The following SVIL variants were observed in gnomAD, a reference collection of about 807,000 sequenced individuals.
SVIL encodes supervillin, also known as archvillin.
A neutral mutation model predicts 240.4 loss-of-function variants in SVIL; 101 were observed. The ratio of observed to expected loss-of-function variants is 0.42; its 90% CI spans 0.36 to 0.50. The LOEUF is 0.50. Among genes scored for constraint, SVIL ranks in the 20% least tolerant of loss-of-function variants. The probability of loss-of-function intolerance (pLI) is 0.01; values close to 1 mark genes in which losing one functional copy is unlikely to be tolerated. For missense variants in SVIL, 2,512 were observed against 2,818.7 expected (o/e 0.89, Z 2.46); for synonymous variants, 999 against 1,100.0 (o/e 0.91, Z 1.82).
At chr10:29,507,548 T>TACACACTCAGAA (rs374533085) in intron 17 of SVIL, among the ~76,000 whole-genome samples, 48,214 of 148,212 alleles carry the variant, frequency 0.33, 7,833 homozygotes, top group African/African-American at 0.35. Context: ...TTCTCACAGA[T>TACACACTCAGAA]ACACACTCAT....
In SVIL at chr10:29,471,793, A is replaced by T. The variant is rs141826244; in HGVS notation, c.5530-550T>A. 2.1e-3 allele frequency among the ~76,000 whole-genome samples: 321 copies of T among 152,358 alleles called. 1 individual carries two copies. Among genetic ancestry groups the T allele is most frequent in the African/African-American group, 7.4e-3 (309 of 41,580 alleles). ...TAGGTTTGAGTCACCTCCCTCTAGG[A>T]CACCTTTCCTTAAAGAGGAAATGTT... On this transcript the variant is annotated intron_variant, in intron 30 of 37. Coordinates refer to ENST00000355867, the MANE Select transcript of SVIL (RefSeq NM_021738.3).
intron 1 of SVIL, among the ~76,000 whole-genome samples, chr10:29,610,092 T>C (rs1427584993): frequency 6.6e-6 from 1 of 152,160 alleles, no homozygotes; most frequent in African/African-American, 2.4e-5. Flanking sequence ...CCTTTTCTCA[T>C]TTCCACACTG....
intron 17 of SVIL, among the ~76,000 whole-genome samples, chr10:29,511,539 G>A (rs16930343): frequency 0.42 from 63,808 of 151,942 alleles, 13,901 homozygotes; most frequent in African/African-American, 0.5. Flanking sequence ...AAAGTTTGCG[G>A]GTAGCAGGGA....
intron 18 of SVIL, among the ~76,000 whole-genome samples, chr10:29,497,627 T>C (rs1948547723): frequency 6.6e-6 from 1 of 152,182 alleles, no homozygotes; most frequent in African/African-American, 2.4e-5. Context: ...TAGACATCTA[T>C]TAAAGCATAT....
At chr10:29,727,944 G>A (rs1964391267) in intron 1 of SVIL, among the ~76,000 whole-genome samples, 1 of 152,080 alleles carries the variant, frequency 6.6e-6, no homozygotes, top group Non-Finnish European at 1.5e-5. Context: ...CCAACCCTGA[G>A]TAAACCTTTA....
upstream of SVIL, among the ~76,000 whole-genome samples, chr10:29,636,740 C>T (rs1958323396): frequency 6.6e-6 from 1 of 152,178 alleles, no homozygotes; most frequent in Non-Finnish European, 1.5e-5. Flanking sequence ...CAATTGTCCC[C>T]AAACTGATCT....
intron 1 of SVIL, among the ~76,000 whole-genome samples, chr10:29,713,920 T>C (rs535910617): frequency 3.3e-4 from 51 of 152,366 alleles, no homozygotes; most frequent in Admixed American, 1.6e-3. Context: ...TATGAGCTTT[T>C]GGAAGCCAAA....
At chr10:29,535,032 G>A (rs1951642011) in intron 7 of SVIL, among the ~76,000 whole-genome samples, 1 of 152,176 alleles carries the variant, frequency 6.6e-6, no homozygotes, top group Admixed American at 6.5e-5. Flanking sequence ...ATTGGCAAAA[G>A]TAATTATTTA....
In SVIL at chr10:29,597,679, C is replaced by T. The variant is rs540082721; in HGVS notation, c.-200-28367G>A. On this transcript the variant is annotated intron_variant, in intron 1 of 37. Transcript: ENST00000355867. ...CCTCCCAAAGTGCTGGGATTACAGG[C>T]GTGAACCACCACGCCAGGCCTAAAA... Among the ~76,000 whole-genome samples the T allele has an allele frequency of 6.9e-4, 105 of 152,110 alleles. 1 individual carries two copies. Among genetic ancestry groups the T allele is most frequent in the African/African-American group, 2.2e-3 (91 of 41,524 alleles).
chr10:29,677,371 C>G (rs964013005), intron 2 of SVIL, among the ~76,000 whole-genome samples: 6 of 152,130 alleles, frequency 3.9e-5, no homozygotes, highest in Non-Finnish European at 8.8e-5. Flanking sequence ...CCAAGAGAAC[C>G]AAGCATGACC....
intron 1 of SVIL, among the ~76,000 whole-genome samples, chr10:29,730,302 G>T (rs1317340324): frequency 6.6e-6 from 1 of 152,242 alleles, no homozygotes; most frequent in African/African-American, 2.4e-5. Context: ...GAGGATCACT[G>T]AAGTCAGGGC....
At chr10:29,522,989 G>C (rs376282195) in intron 15 of SVIL, among the ~76,000 whole-genome samples, 52 of 152,308 alleles carry the variant, frequency 3.4e-4, no homozygotes, top group African/African-American at 1.2e-3. Context: ...AACTTACACT[G>C]TACTGTTTCA....
intron 1 of SVIL, among the ~76,000 whole-genome samples, chr10:29,712,936 G>A (rs1963386827): frequency 6.6e-6 from 1 of 152,190 alleles, no homozygotes; most frequent in Admixed American, 6.5e-5. Flanking sequence ...CAGCACTTTG[G>A]GAGGCTGAGG....
intron 6 of SVIL, among the ~76,000 whole-genome samples, chr10:29,538,255 C>T (rs1338731446): frequency 3.3e-5 from 5 of 152,300 alleles, no homozygotes; most frequent in African/African-American, 1.2e-4. Context: ...CGTCAAACTC[C>T]ATCAAGGGCT....
chr10:29,719,075 T>A (rs1389482876), intron 1 of SVIL, among the ~76,000 whole-genome samples: 1 of 152,126 alleles, frequency 6.6e-6, no homozygotes, highest in Non-Finnish European at 1.5e-5. Context: ...GCCACTGCAC[T>A]CCAGCCTGGA....
intron 2 of SVIL, among the ~76,000 whole-genome samples, chr10:29,661,614 A>C (rs1959164783): frequency 6.6e-6 from 1 of 152,130 alleles, no homozygotes; most frequent in Non-Finnish European, 1.5e-5. Flanking sequence ...CCAGGTTACC[A>C]ACCCCCTGTG....
chr10:29,604,223 A>G (rs946549071), intron 1 of SVIL, among the ~76,000 whole-genome samples: 1 of 148,350 alleles, frequency 6.7e-6, no homozygotes, highest in Non-Finnish European at 1.5e-5. Flanking sequence ...TTTTTGAGAC[A>G]GAGTTTTGCT....
chr10:29,621,316 T>G (rs1957630187), intron 1 of SVIL, among the ~76,000 whole-genome samples: 1 of 152,218 alleles, frequency 6.6e-6, no homozygotes, highest in African/African-American at 2.4e-5. Context: ...CAGGAACGCT[T>G]AATCCCAAGG....
At chr10:29,687,426 T>C (rs141493623) in intron 1 of SVIL, among the ~76,000 whole-genome samples, 1 of 152,246 alleles carries the variant, frequency 6.6e-6, no homozygotes, top group South Asian at 2.1e-4. Context: ...GTGAGGTGGT[T>C]CATGCCTGTA....
Sources: gnomAD v4.1 joint callset for allele counts (sites outside exome capture counted in the v4.1 genomes callset) on GRCh38, gnomAD v4.1.1 for gene constraint, MANE v1.5 for transcripts, NCBI Gene and HGNC (gene_info 2026-07-23, HGNC 2026-07-21) for gene names.